The following AUTS2 variants were observed in gnomAD, a reference collection of about 807,000 sequenced individuals.
AUTS2 encodes autism susceptibility gene 2 protein.
A neutral mutation model predicts 112.4 loss-of-function variants in AUTS2; 17 were observed. That is an observed-to-expected ratio of 0.15 (90% CI 0.10 to 0.23). The LOEUF (loss-of-function observed/expected upper bound fraction) is 0.23. Ranked by LOEUF, AUTS2 falls within the 10% of genes least tolerant of loss-of-function variation. The pLI is 1.00. For missense variants in AUTS2, 1,510 were observed against 1,701.6 expected, an observed-to-expected ratio of 0.89 and a Z score of 1.98; for synonymous variants, 751 against 702.7, an observed-to-expected ratio of 1.07 and a Z score of -1.09.
At chr7:70,624,671 A>G (rs1483504307) in intron 5 of AUTS2, among the ~76,000 whole-genome samples, 2 of 152,122 alleles carry the variant, frequency 1.3e-5, no homozygotes, top group Admixed American at 1.3e-4. Flanking sequence ...ACTGCTAAAC[A>G]TATGCTGCTT....
At chr7:70,145,718 T>G (rs1293158663) in intron 4 of AUTS2, among the ~76,000 whole-genome samples, 1 of 152,134 alleles carries the variant, frequency 6.6e-6, no homozygotes, top group Non-Finnish European at 1.5e-5. Flanking sequence ...TTACTGCAAA[T>G]TTTGAATTGG....
At chr7:69,671,316 G>C (rs1471786516) in intron 1 of AUTS2, among the ~76,000 whole-genome samples, 1 of 152,156 alleles carries the variant, frequency 6.6e-6, no homozygotes, top group East Asian at 1.9e-4. Flanking sequence ...CAAGAAATCT[G>C]TTCCGTCTTC....
chr7:70,091,291 T>C (rs146914395), intron 2 of AUTS2, among the ~76,000 whole-genome samples: 185 of 152,322 alleles, frequency 1.2e-3, no homozygotes, highest in African/African-American at 4.2e-3. Flanking sequence ...TGATCTGCAT[T>C]GGTGTACTTT....
intron 1 of AUTS2, among the ~76,000 whole-genome samples, chr7:69,857,409 C>A (rs1176996002): frequency 6.6e-6 from 1 of 152,184 alleles, no homozygotes; most frequent in Non-Finnish European, 1.5e-5. Flanking sequence ...TAAATTCTCC[C>A]TCAAAGGTCT....
intron 1 of AUTS2, among the ~76,000 whole-genome samples, chr7:69,810,220 C>T (rs189990216): frequency 6.6e-6 from 1 of 152,282 alleles, no homozygotes; most frequent in Non-Finnish European, 1.5e-5. Context: ...CGTCAGAGCT[C>T]ATAAGGCTTT....
intron 4 of AUTS2, among the ~76,000 whole-genome samples, chr7:70,434,950 CT>C (rs373553265): frequency 1.6e-4 from 24 of 152,044 alleles, no homozygotes; most frequent in African/African-American, 5.3e-4. Context: ...AAGTTGTGTT[CT>C]TTTTTCCCTT....
intron 5 of AUTS2, among the ~76,000 whole-genome samples, chr7:70,585,652 A>G (rs1231981076): frequency 3.3e-5 from 5 of 152,140 alleles, no homozygotes; most frequent in African/African-American, 1.2e-4. Flanking sequence ...ACTTGTTAAC[A>G]GTGGATATCT....
intron 4 of AUTS2, among the ~76,000 whole-genome samples, chr7:70,271,000 A>G (rs1158291707): frequency 6.6e-6 from 1 of 152,080 alleles, no homozygotes; most frequent in Non-Finnish European, 1.5e-5. Context: ...TTAGAATAAC[A>G]TCTTCACTCT....
intron 2 of AUTS2, among the ~76,000 whole-genome samples, chr7:69,949,750 A>T (rs1012104601): frequency 3.3e-5 from 5 of 152,076 alleles, no homozygotes; most frequent in Admixed American, 2.0e-4. Context: ...TTTCTGTAGC[A>T]CCTGGTTGTA....
At chr7:70,301,607 C>T (rs1376644839) in intron 4 of AUTS2, among the ~76,000 whole-genome samples, 1 of 152,142 alleles carries the variant, frequency 6.6e-6, no homozygotes, top group African/African-American at 2.4e-5. Flanking sequence ...CTTCCGTCCT[C>T]ACCACCCTGC....
intron 5 of AUTS2, among the ~76,000 whole-genome samples, chr7:70,563,546 C>A (rs1373449538): frequency 6.6e-6 from 1 of 152,166 alleles, no homozygotes; most frequent in African/African-American, 2.4e-5. Flanking sequence ...CCAGTTTATA[C>A]TTTATTAAAA....
At chr7:69,689,640 TTTTA>T (rs56128460) in intron 1 of AUTS2, among the ~76,000 whole-genome samples, 11,289 of 119,160 alleles carry the variant, frequency 0.095, 663 homozygotes, top group Admixed American at 0.12. Context: ...GCACCCGGCC[TTTTA>T]TTTATTTATT....
At chr7:69,996,081 G>C (rs964918138) in intron 2 of AUTS2, among the ~76,000 whole-genome samples, 2 of 152,142 alleles carry the variant, frequency 1.3e-5, no homozygotes, top group Non-Finnish European at 2.9e-5. Context: ...AGTTCACTCC[G>C]TAAGGAGCTT....
intron 4 of AUTS2, among the ~76,000 whole-genome samples, chr7:70,430,386 G>GTTAAGTAT (rs1795606347): frequency 6.6e-6 from 1 of 152,162 alleles, no homozygotes; most frequent in Non-Finnish European, 1.5e-5. Context: ...TTTATCATCT[G>GTTAAGTAT]TACATACTTG....
intron 10 of AUTS2, among the ~76,000 whole-genome samples, chr7:70,770,104 G>A (rs965793627): frequency 3.9e-4 from 60 of 152,122 alleles, no homozygotes; most frequent in African/African-American, 1.3e-3. Context: ...GAGTTATAGT[G>A]GATAATATAT....
chr7:70,044,817 A>G (rs1801428278), intron 2 of AUTS2, among the ~76,000 whole-genome samples: 1 of 152,182 alleles, frequency 6.6e-6, no homozygotes. Flanking sequence ...GGGTAAGATG[A>G]CCAGATTCAA....
intron 5 of AUTS2, among the ~76,000 whole-genome samples, chr7:70,451,841 G>A (rs1202759264): frequency 1.3e-5 from 2 of 152,090 alleles, no homozygotes; most frequent in African/African-American, 2.4e-5. Flanking sequence ...TATAGCCTGA[G>A]ATCCTATTGC....
chr7:69,776,021 C>G (rs529055856), intron 1 of AUTS2, among the ~76,000 whole-genome samples: 1 of 152,184 alleles, frequency 6.6e-6, no homozygotes, highest in Non-Finnish European at 1.5e-5. Flanking sequence ...CCTTGGGTCA[C>G]TCCTGTGGTC....
intron 4 of AUTS2, among the ~76,000 whole-genome samples, chr7:70,274,595 A>G (rs1044155869): frequency 2.0e-5 from 3 of 152,006 alleles, no homozygotes; most frequent in Admixed American, 2.0e-4. Context: ...CCAGCCTTCA[A>G]TTTTTTTGTT....
Sources: gnomAD v4.1 joint callset for allele counts (sites outside exome capture counted in the v4.1 genomes callset) on GRCh38, gnomAD v4.1.1 for gene constraint, MANE v1.5 for transcripts, NCBI Gene and HGNC (gene_info 2026-07-23, HGNC 2026-07-21) for gene names.